Variants in CDH8 observed in about 807,000 individuals in gnomAD.
CDH8 encodes the protein cadherin-8.
In CDH8, 17 loss-of-function variants were observed where a neutral mutation model predicts 68.1. The observed-to-expected ratio is 0.25, with a 90% CI of 0.17 to 0.37. The LOEUF (loss-of-function observed/expected upper bound fraction) is 0.37. Among genes scored for constraint, CDH8 ranks in the 10% least tolerant of loss-of-function variants. The pLI is 1.00. For missense variants in CDH8, 763 were observed against 999.3 expected (o/e 0.76, Z 3.19); for synonymous variants, 372 against 365.1 (o/e 1.02, Z -0.21).
chr16:61,977,683 A>G (rs1457051838), intron 2 of CDH8, among the ~76,000 whole-genome samples: 1 of 152,154 alleles, frequency 6.6e-6, no homozygotes. Context: ...CCTTATATGT[A>G]AGTCAAGGGA....
intron 3 of CDH8, among the ~76,000 whole-genome samples, chr16:61,884,363 C>T (rs1313548030): frequency 6.6e-6 from 1 of 151,696 alleles, no homozygotes; most frequent in Non-Finnish European, 1.5e-5. Context: ...GTATATTTTA[C>T]CTTTCTTATG....
intron 8 of CDH8, chr16:61,743,357 A>C (rs1170623478): frequency 6.5e-6 from 1 of 154,832 alleles, no homozygotes; most frequent in Admixed American, 6.5e-5. Flanking sequence ...CAGCTTCGGG[A>C]GGGATGCCCG....
intron 1 of CDH8, among the ~76,000 whole-genome samples, chr16:62,028,826 T>G (rs1297996298): frequency 6.6e-6 from 1 of 152,088 alleles, no homozygotes; most frequent in Admixed American, 6.5e-5. Context: ...TCGAGTCTAA[T>G]CTAAATCCCT....
At chr16:61,689,633 G>A (rs960898238) in intron 10 of CDH8, among the ~76,000 whole-genome samples, 1 of 151,926 alleles carries the variant, frequency 6.6e-6, no homozygotes, top group Non-Finnish European at 1.5e-5. Context: ...GAAACAAAAG[G>A]GTCAGGAAAA....
intron 2 of CDH8, among the ~76,000 whole-genome samples, chr16:62,007,028 C>T (rs1030289459): frequency 2.0e-5 from 3 of 152,018 alleles, no homozygotes; most frequent in Non-Finnish European, 4.4e-5. Flanking sequence ...CTGTTTCAGC[C>T]TCCCAAGTAG....
At chr16:61,774,397 A>G (rs1960855004) in intron 8 of CDH8, among the ~76,000 whole-genome samples, 2 of 150,914 alleles carry the variant, frequency 1.3e-5, no homozygotes, top group South Asian at 2.1e-4. Context: ...GTGCCCCACA[A>G]TTTTTCTACA....
intron 5 of CDH8, among the ~76,000 whole-genome samples, chr16:61,824,325 T>C (rs985544427): frequency 2.0e-5 from 3 of 151,904 alleles, no homozygotes; most frequent in South Asian, 2.1e-4. Flanking sequence ...TCCAACTAAT[T>C]GTTTTCACTT....
At chr16:61,712,948 G>A (rs1964658428) in intron 10 of CDH8, among the ~76,000 whole-genome samples, 1 of 151,454 alleles carries the variant, frequency 6.6e-6, no homozygotes, top group South Asian at 2.1e-4. Context: ...CAGATATCAT[G>A]AATCAAATTT....
chr16:61,793,892 C>T (rs11864299), intron 7 of CDH8, among the ~76,000 whole-genome samples: 4,847 of 151,934 alleles, frequency 0.032, 246 homozygotes, highest in African/African-American at 0.11. Flanking sequence ...AATTTCTATA[C>T]GGTTTATAAG....
chr16:61,979,843 T>C (rs1227041771), intron 2 of CDH8, among the ~76,000 whole-genome samples: 1 of 152,230 alleles, frequency 6.6e-6, no homozygotes, highest in Non-Finnish European at 1.5e-5. Context: ...CAAATGGAGA[T>C]GACTCTTGTC....
At position 61,917,710 on chromosome 16, in the gene CDH8, T is replaced by TA. The variant is rs1312295682; in HGVS notation, c.253-16238_253-16237insT. On this transcript the variant is annotated intron_variant, in intron 2 of 11. Coordinates refer to ENST00000577390, the MANE Select transcript of CDH8 (RefSeq NM_001796.5). ...CAAGGAGTAAAAGTACAGCCCAAGATGCAGTGAACTGAAGTGGTACCTAGT... is the reference window on the plus strand; with the variant it reads ...CAAGGAGTAAAAGTACAGCCCAAGATAGCAGTGAACTGAAGTGGTACCTAGT... Among the ~76,000 whole-genome samples the TA allele has an allele frequency of 1.2e-4, 18 of 152,218 alleles. 1 individual carries two copies. The South Asian group carries it at 3.7e-3, about 32-fold the overall frequency.
At chr16:61,837,071 C>T (rs983667627) in intron 4 of CDH8, among the ~76,000 whole-genome samples, 2 of 151,918 alleles carry the variant, frequency 1.3e-5, no homozygotes, top group African/African-American at 4.8e-5. Flanking sequence ...GGGGTGCAGG[C>T]TCTCTTTCTT....
chr16:62,009,338 GAA>G (rs1163580749), intron 2 of CDH8, among the ~76,000 whole-genome samples: 10 of 152,098 alleles, frequency 6.6e-5, no homozygotes, highest in Non-Finnish European at 1.3e-4. Flanking sequence ...TATCTATTTG[GAA>G]AAAGACTTAT....
Position 61,817,699 on chromosome 16 carries a change from G to T in CDH8, c.1057C>A (p.Leu353Ile). Residue 353 changes from leucine to isoleucine, a missense_variant, in exon 7 of 12, where the codon CTA becomes ATA. Physicochemically the swap from Leu to Ile is conservative, Grantham distance 5. This residue lies in a region of CDH8 where 366 missense variants were observed against 563.1 expected (regional missense o/e 0.65). Coordinates refer to ENST00000577390, the MANE Select transcript of CDH8 (RefSeq NM_001796.5). ...LDFETKKSYTLKVEAANVHID... is the reference protein window; with the variant it reads ...LDFETKKSYTIKVEAANVHID... Reference sequence around the variant, plus strand: ...TGGACATTGGCTGCCTCTACCTTTAGCGTATAGGATTTTTTGGTCTCAAAG... The same window carrying T: ...TGGACATTGGCTGCCTCTACCTTTATCGTATAGGATTTTTTGGTCTCAAAG... 6.3e-7 allele frequency: 1 copy of T among 1,595,474 alleles called. No homozygotes were observed. Among genetic ancestry groups the T allele is most frequent in the African/African-American group, 1.4e-5 (1 of 74,028 alleles).
At chr16:61,906,970 A>G (rs1197017804) in intron 2 of CDH8, among the ~76,000 whole-genome samples, 4 of 152,208 alleles carry the variant, frequency 2.6e-5, no homozygotes, top group African/African-American at 4.8e-5. Context: ...ATAGATGCCA[A>G]TTATCTTGTA....
intron 2 of CDH8, among the ~76,000 whole-genome samples, chr16:61,992,128 T>TC (rs1491426702): frequency 2.0e-5 from 1 of 50,792 alleles, no homozygotes; most frequent in Non-Finnish European, 8.5e-5. Context: ...AAATGTACTC[T>TC]TTTTTGGGCT....
chr16:61,900,853 T>C (rs1214086677), intron 3 of CDH8, among the ~76,000 whole-genome samples: 1 of 152,224 alleles, frequency 6.6e-6, no homozygotes, highest in Non-Finnish European at 1.5e-5. Context: ...CAGGATTAGC[T>C]TGGCATGTTA....
intron 9 of CDH8, among the ~76,000 whole-genome samples, chr16:61,719,223 C>T (rs1181244829): frequency 6.7e-6 from 1 of 150,230 alleles, no homozygotes; most frequent in Non-Finnish European, 1.5e-5. Context: ...ACAGGAAATA[C>T]AGCAGGAGGA....
At chr16:61,812,438 C>G (rs1961972782) in intron 7 of CDH8, among the ~76,000 whole-genome samples, 1 of 152,198 alleles carries the variant, frequency 6.6e-6, no homozygotes, top group African/African-American at 2.4e-5. Context: ...GAATGGCCAT[C>G]ATTTCCACTT....
Sources: allele counts gnomAD v4.1 joint callset (sites outside exome capture counted in the v4.1 genomes callset), GRCh38; gene constraint gnomAD v4.1.1; regional missense constraint gnomAD v4.1.1; transcripts MANE v1.5; gene names NCBI Gene and HGNC (gene_info 2026-07-23, HGNC 2026-07-21).